The following SCFD2 variants were observed in gnomAD, a reference collection of about 807,000 sequenced individuals.
SCFD2 encodes the protein sec1 family domain containing 2, also known as sec1 family domain-containing protein 2.
SCFD2 carries 54 observed loss-of-function variants against 58.9 expected under a neutral mutation model. That is an observed-to-expected ratio of 0.92 (90% confidence interval 0.74 to 1.15). SCFD2 has a LOEUF of 1.15. Ranked by LOEUF, SCFD2 falls within the 50% of genes most tolerant of loss-of-function variation. SCFD2 has a pLI of 0.00. For missense variants in SCFD2, 805 were observed against 836.6 expected, an observed-to-expected ratio of 0.96 and a Z score of 0.47; for synonymous variants, 321 against 335.9, an observed-to-expected ratio of 0.96 and a Z score of 0.49.
intron 5 of SCFD2, among the ~76,000 whole-genome samples, chr4:52,921,492 T>A (rs558321115): frequency 3.3e-5 from 5 of 151,394 alleles, no homozygotes; most frequent in African/African-American, 9.8e-5. Context: ...GACATGATCA[T>A]GGATAAGTTA....
intron 4 of SCFD2, among the ~76,000 whole-genome samples, chr4:53,210,754 T>C (rs989854700): frequency 3.3e-5 from 5 of 152,030 alleles, no homozygotes; most frequent in African/African-American, 9.7e-5. Context: ...CCCACAGCCT[T>C]TGTTACAGTC....
intron 5 of SCFD2, among the ~76,000 whole-genome samples, chr4:53,043,917 T>C (rs1722960007): frequency 6.6e-6 from 1 of 152,218 alleles, no homozygotes; most frequent in Non-Finnish European, 1.5e-5. Context: ...ATTTGCTTCC[T>C]GTGTTTCAAT....
chr4:53,069,402 T>C (rs914629008), intron 5 of SCFD2, among the ~76,000 whole-genome samples: 1 of 152,048 alleles, frequency 6.6e-6, no homozygotes, highest in Non-Finnish European at 1.5e-5. Context: ...AGTGTAGATA[T>C]TGCAATTCAG....
At position 53,248,765 on chromosome 4, in the gene SCFD2, G is replaced by A. The variant is rs182416220; in HGVS notation, c.1311+25061C>T. On this transcript the variant is annotated intron_variant, in intron 4 of 8. Coordinates refer to ENST00000401642, the MANE Select transcript of SCFD2 (RefSeq NM_152540.4). ...GGGTCCTGTCTGTTAGAAGGAAAAC[G>A]AACAAACAGAAAGGACACCCACACC... is the stretch of plus-strand genomic sequence containing the variant. 8.8e-3 allele frequency among the ~76,000 whole-genome samples: 1,340 copies of A among 152,242 alleles called. 13 individuals carry two copies. The highest frequency in any genetic ancestry group is 0.048 in the Middle Eastern group (14 of 294).
At chr4:53,182,669 A>C (rs1027073152) in intron 4 of SCFD2, among the ~76,000 whole-genome samples, 3 of 152,356 alleles carry the variant, frequency 2.0e-5, no homozygotes, top group East Asian at 3.9e-4. Context: ...TCATTAAACT[A>C]AAGAGCTTCT....
chr4:52,919,676 C>T (rs372521595), intron 6 of SCFD2, among the ~76,000 whole-genome samples: 34 of 152,212 alleles, frequency 2.2e-4, no homozygotes, highest in Admixed American at 2.0e-4. Context: ...TTGGCCTTCC[C>T]GGATCTTGGA....
intron 4 of SCFD2, among the ~76,000 whole-genome samples, chr4:53,222,831 T>A (rs1437631779): frequency 1.3e-5 from 2 of 152,242 alleles, no homozygotes; most frequent in Non-Finnish European, 2.9e-5. Context: ...GTTACTGTTA[T>A]CTTTGAAAAG....
intron 2 of SCFD2, among the ~76,000 whole-genome samples, chr4:53,321,256 A>T (rs1355549848): frequency 6.6e-6 from 1 of 152,176 alleles, no homozygotes; most frequent in African/African-American, 2.4e-5. Flanking sequence ...CTCTGAATGA[A>T]ATCTTAGAAG....
intron 5 of SCFD2, among the ~76,000 whole-genome samples, chr4:52,953,011 G>A (rs918124262): frequency 3.3e-5 from 5 of 152,184 alleles, no homozygotes; most frequent in African/African-American, 7.2e-5. Context: ...CATAGGCCCA[G>A]CAACTTTTTC....
intron 4 of SCFD2, among the ~76,000 whole-genome samples, chr4:53,218,743 C>A (rs190679476): frequency 2.7e-4 from 41 of 152,310 alleles, no homozygotes; most frequent in African/African-American, 8.9e-4. Flanking sequence ...TTCAGCTTTT[C>A]TGCTCTGCTT....
chr4:53,169,257 G>A (rs1213033564), intron 4 of SCFD2, among the ~76,000 whole-genome samples: 5 of 152,060 alleles, frequency 3.3e-5, no homozygotes, highest in South Asian at 2.1e-4. Flanking sequence ...CCAGCTACTC[G>A]GGAGGCCGAG....
intron 4 of SCFD2, among the ~76,000 whole-genome samples, chr4:53,250,256 C>T (rs1730309139): frequency 6.6e-6 from 1 of 152,142 alleles, no homozygotes; most frequent in Admixed American, 6.5e-5. Context: ...ACTAACTATC[C>T]TAAATATATA....
intron 4 of SCFD2, among the ~76,000 whole-genome samples, chr4:53,237,235 A>T (rs1197521758): frequency 6.7e-6 from 1 of 149,250 alleles, no homozygotes; most frequent in Non-Finnish European, 1.5e-5. Flanking sequence ...TCCCATGTCT[A>T]CTTCTTTCTA....
chr4:52,882,583 C>A (rs1457090745), intron 8 of SCFD2, among the ~76,000 whole-genome samples: 4 of 152,156 alleles, frequency 2.6e-5, no homozygotes, highest in African/African-American at 4.8e-5. Flanking sequence ...CCAGGACAGC[C>A]AGAATAAACG....
At chr4:53,051,905 A>G (rs1723199249) in intron 5 of SCFD2, among the ~76,000 whole-genome samples, 1 of 152,188 alleles carries the variant, frequency 6.6e-6, no homozygotes, top group African/African-American at 2.4e-5. Flanking sequence ...TGAACATATT[A>G]AAAAATGAGA....
intron 8 of SCFD2, among the ~76,000 whole-genome samples, chr4:52,884,429 A>G (rs1219816737): frequency 2.1e-5 from 3 of 141,934 alleles, no homozygotes; most frequent in Admixed American, 6.9e-5. Context: ...GGAAGGGAAG[A>G]CATCCCCAGG....
intron 5 of SCFD2, among the ~76,000 whole-genome samples, chr4:53,053,859 A>G (rs971163527): frequency 1.4e-4 from 21 of 152,308 alleles, no homozygotes; most frequent in South Asian, 4.1e-4. Context: ...TGATAATTTA[A>G]TGCATTCTGA....
intron 3 of SCFD2, among the ~76,000 whole-genome samples, chr4:53,287,730 A>T (rs1731714109): frequency 6.6e-6 from 1 of 152,230 alleles, no homozygotes; most frequent in Admixed American, 6.5e-5. Flanking sequence ...TTCTCCAATA[A>T]TTGACTCCAA....
intron 3 of SCFD2, among the ~76,000 whole-genome samples, chr4:53,297,622 T>C (rs552335355): frequency 6.6e-6 from 1 of 152,354 alleles, no homozygotes; most frequent in South Asian, 2.1e-4. Flanking sequence ...TGCCAGTCTG[T>C]GTCTTTTAAT....
Sources: allele counts gnomAD v4.1 joint callset (sites outside exome capture counted in the v4.1 genomes callset), GRCh38; gene constraint gnomAD v4.1.1; transcripts MANE v1.5; gene names NCBI Gene and HGNC (gene_info 2026-07-23, HGNC 2026-07-21).